Variants in LRRC8C observed in about 807,000 individuals in gnomAD.
The protein encoded by LRRC8C is volume-regulated anion channel subunit LRRC8C.
Under a neutral mutation model 55.3 loss-of-function variants are expected in LRRC8C, and 20 were observed. The observed-to-expected ratio is 0.36, with a 90% CI of 0.25 to 0.53. The LOEUF is 0.53. Among genes scored for constraint, LRRC8C ranks in the 20% least tolerant of loss-of-function variants. The probability of loss-of-function intolerance (pLI) is 0.92; values close to 1 mark genes in which losing one functional copy is unlikely to be tolerated. For synonymous variants in LRRC8C, 376 were observed against 360.7 expected, an observed-to-expected ratio of 1.04 and a Z score of -0.48; for missense variants, 659 against 951.4, an observed-to-expected ratio of 0.69 and a Z score of 4.04.
At chr1:89,695,859 C>T (rs1215378823) in intron 2 of LRRC8C, among the ~76,000 whole-genome samples, 1 of 151,956 alleles carries the variant, frequency 6.6e-6, no homozygotes, top group African/African-American at 2.4e-5. Context: ...TTTCTGAGGC[C>T]CAGTTTTATA....
Position 89,713,948 on chromosome 1 carries a change from C to T in LRRC8C, c.1378C>T (p.Pro460Ser), listed in dbSNP as rs1245330849. 3.1e-6 allele frequency: 5 copies of T among 1,613,562 alleles called. No homozygotes were observed. The highest frequency in any genetic ancestry group is 2.7e-5 in the African/African-American group (2 of 74,890). ...KLEIIKNVMI[P>S]ATIAQLDNLQ... ...TGAAATCATTAAGAACGTAATGATA[C>T]CAGCCACCATTGCACAGCTAGACAA... The change falls in exon 3 of 3, where the codon CCA becomes TCA. Residue 460 changes from proline to serine, a missense_variant. This residue lies in a region of LRRC8C where 344 missense variants were observed against 464.6 expected (regional missense o/e 0.74). Transcript: ENST00000370454. The surrounding 1 kb of genome is among the most constrained non-coding windows in gnomAD (Gnocchi z 5.2).
the LRRC8C span, among the ~76,000 whole-genome samples, chr1:89,621,296 TA>T: frequency 0.018 from 2,199 of 123,608 alleles, 44 homozygotes; most frequent in African/African-American, 0.055. Context: ...CCGTCTCTAC[TA>T]AAAAAAAAAA....
chr1:89,656,636 A>C (rs1471153163), intron 1 of LRRC8C, among the ~76,000 whole-genome samples: 1 of 152,182 alleles, frequency 6.6e-6, no homozygotes, highest in Non-Finnish European at 1.5e-5. Flanking sequence ...GTTACAGATA[A>C]TTGATTGGGA....
intron 1 of LRRC8C, among the ~76,000 whole-genome samples, chr1:89,656,934 G>A (rs996429940): frequency 2.0e-5 from 3 of 152,046 alleles, no homozygotes; most frequent in South Asian, 2.1e-4. Context: ...ATTTACTGCC[G>A]GCTACTTATC....
intron 2 of LRRC8C, among the ~76,000 whole-genome samples, chr1:89,689,957 A>G (rs1000887663): frequency 1.3e-5 from 2 of 152,086 alleles, no homozygotes; most frequent in Non-Finnish European, 2.9e-5. Flanking sequence ...AAAAAGAGAG[A>G]AATCAAGGAT....
intron 2 of LRRC8C, among the ~76,000 whole-genome samples, chr1:89,699,381 A>G (rs549993788): frequency 3.7e-4 from 56 of 152,324 alleles, no homozygotes; most frequent in African/African-American, 1.2e-3. Flanking sequence ...ACTTTGGATG[A>G]CAGTGATGTG....
intron 1 of LRRC8C, among the ~76,000 whole-genome samples, chr1:89,653,412 T>C (rs1656844700): frequency 6.7e-6 from 1 of 149,426 alleles, no homozygotes; most frequent in African/African-American, 2.6e-5. Context: ...CTGTCATGTA[T>C]CATGTAGCCT....
At position 89,713,479 on chromosome 1, in the gene LRRC8C, T is replaced by C; in HGVS notation, c.909T>C (p.Tyr303=). The C allele has an allele frequency of 6.2e-7, 1 of 1,614,170 alleles. No homozygotes were observed. The highest frequency in any genetic ancestry group is 8.5e-7 in the Non-Finnish European group (1 of 1,180,028). The change falls in exon 3 of 3, where the codon TAT becomes TAC. Residue 303 remains tyrosine (Y), a synonymous_variant. Transcript: ENST00000370454. The surrounding 1 kb of genome is among the most constrained non-coding windows in gnomAD (Gnocchi z 5.2). ...TGGACATTCAGGACATGACTGGATA[T>C]AAAAACTTTTCTTGCAATCATACCA... ...CNVDIQDMTG[Y]KNFSCNHTMA...
chr1:89,684,206 A>C (rs1657807057), intron 1 of LRRC8C, among the ~76,000 whole-genome samples: 1 of 152,200 alleles, frequency 6.6e-6, no homozygotes, highest in Admixed American at 6.5e-5. Context: ...GAGACCAAAA[A>C]GTTAGAGAGC....
At chr1:89,647,072 T>A (rs193195469) in intron 1 of LRRC8C, among the ~76,000 whole-genome samples, 18 of 152,346 alleles carry the variant, frequency 1.2e-4, no homozygotes, top group Admixed American at 3.9e-4. Context: ...TATCTTTACC[T>A]GACAGCTTTC....
At chr1:89,683,834 A>G (rs1657793845) in intron 1 of LRRC8C, among the ~76,000 whole-genome samples, 1 of 152,180 alleles carries the variant, frequency 6.6e-6, no homozygotes, top group Non-Finnish European at 1.5e-5. Context: ...TTTGGTCCAT[A>G]CATTTCAGAC....
the LRRC8C span, chr1:89,624,978 T>C: frequency 6.6e-6 from 1 of 152,168 alleles, no homozygotes; most frequent in East Asian, 1.9e-4. Flanking sequence ...TTTCTCAGGA[T>C]ATCTCAAGGG....
At chr1:89,693,939 G>A (rs919791387) in intron 2 of LRRC8C, among the ~76,000 whole-genome samples, 6 of 152,044 alleles carry the variant, frequency 3.9e-5, no homozygotes, top group Middle Eastern at 3.4e-3. Context: ...TTACAGGTGT[G>A]AGCTACTGCA....
In LRRC8C at chr1:89,714,719, A is replaced by G; in HGVS notation, c.2149A>G (p.Lys717Glu). The change falls in exon 3 of 3, where the codon AAA becomes GAA. Residue 717 changes from lysine (K) to glutamate (E), a missense_variant. This residue lies in a region of LRRC8C where 344 missense variants were observed against 464.6 expected (regional missense o/e 0.74). Coordinates refer to ENST00000370454, the MANE Select transcript of LRRC8C (RefSeq NM_032270.5). This position sits in a 1 kb window ranked among gnomAD's most constrained non-coding sequence, Gnocchi z 4.6. ...ACAGTATTTTTCCATCACATGTAAC[A>G]AAGTGGAAAGCCTTCCAGATGAACT... ...SLQYFSITCNKVESLPDELYF... is the reference protein window; with the variant it reads ...SLQYFSITCNEVESLPDELYF... The G allele has an allele frequency of 1.9e-6, 3 of 1,614,186 alleles. No homozygotes were observed. The highest frequency in any genetic ancestry group is 2.5e-6 in the Non-Finnish European group (3 of 1,180,022).
In LRRC8C at chr1:89,714,265, C is replaced by T; in HGVS notation, c.1695C>T (p.Ser565=). 1 of 1,614,056 alleles carries T rather than the reference C, an allele frequency of 6.2e-7. No individual in the cohort carries two copies. Among genetic ancestry groups the T allele is most frequent in the Non-Finnish European group, 8.5e-7 (1 of 1,180,006 alleles). The change falls in exon 3 of 3, where the codon AGC becomes AGT. Residue 565 remains serine, a synonymous_variant. Coordinates refer to ENST00000370454, the MANE Select transcript of LRRC8C (RefSeq NM_032270.5). This position sits in a 1 kb window ranked among gnomAD's most constrained non-coding sequence, Gnocchi z 4.6. ...KIPQAVVDVS[S]HLQKMCIHND... Reference sequence around the variant, plus strand: ...CTCAGGCAGTGGTTGATGTTTCCAGCCATCTCCAGAAGATGTGCATACATA... The same window carrying T: ...CTCAGGCAGTGGTTGATGTTTCCAGTCATCTCCAGAAGATGTGCATACATA...
chr1:89,687,488 T>C (rs1468546089), intron 2 of LRRC8C, among the ~76,000 whole-genome samples: 1 of 152,140 alleles, frequency 6.6e-6, no homozygotes, highest in Non-Finnish European at 1.5e-5. Context: ...AGGGTGTTGA[T>C]ATAAGAGCTG....
rs1420156860 is a variant in LRRC8C at position 89,717,985 on chromosome 1, C to T, written c.*3003C>T. ...TTTTAATTGTTAAGTACAGAACAAACAATTGTTTGGTGATGGCCTGGTTGA... is the reference window on the plus strand; with the variant it reads ...TTTTAATTGTTAAGTACAGAACAAATAATTGTTTGGTGATGGCCTGGTTGA... On this transcript the variant is annotated 3_prime_UTR_variant, in exon 3 of 3. Coordinates refer to ENST00000370454, the MANE Select transcript of LRRC8C (RefSeq NM_032270.5). 1 of 152,118 alleles carries T rather than the reference C, an allele frequency of 6.6e-6. No individual in the cohort carries two copies. The highest frequency in any genetic ancestry group is 2.1e-4 in the South Asian group (1 of 4,834). 9.4% of individuals were successfully genotyped at this position (152,118 alleles called of 1,614,324 possible).
intron 2 of LRRC8C, among the ~76,000 whole-genome samples, chr1:89,702,464 G>A (rs1486219518): frequency 2.6e-5 from 4 of 152,280 alleles, no homozygotes; most frequent in East Asian, 3.9e-4. Flanking sequence ...GCCGGGTACC[G>A]TGGTGAACAC....
chr1:89,709,224 AAAG>A (rs910172185), intron 2 of LRRC8C, among the ~76,000 whole-genome samples: 2 of 152,212 alleles, frequency 1.3e-5, no homozygotes, highest in African/African-American at 4.8e-5. Flanking sequence ...ACTAGGCTGG[AAAG>A]AAAAGACAGG....
Sources: gnomAD v4.1 joint callset for allele counts (sites outside exome capture counted in the v4.1 genomes callset) on GRCh38, gnomAD v4.1.1 for gene constraint, gnomAD v4.1.1 regional missense constraint, Gnocchi (gnomAD v3.1) non-coding constraint, MANE v1.5 for transcripts, NCBI Gene and HGNC (gene_info 2026-07-23, HGNC 2026-07-21) for gene names.